The following AOPEP variants were observed in gnomAD, a reference collection of about 807,000 sequenced individuals.
AOPEP encodes aminopeptidase O (putative).
In AOPEP, 77 loss-of-function variants were observed where a neutral mutation model predicts 98.1. That is an observed-to-expected ratio of 0.78 (90% CI 0.65 to 0.95). The LOEUF (loss-of-function observed/expected upper bound fraction) is 0.95, where lower values mean the gene tolerates loss of function less well. AOPEP is among the 40% of genes least tolerant of loss of function. The pLI is 0.00. For synonymous variants in AOPEP, 346 were observed against 365.3 expected, an observed-to-expected ratio of 0.95 and a Z score of 0.60; for missense variants, 1,024 against 1,024.7, an observed-to-expected ratio of 1.00 and a Z score of 0.01.
chr9:94,975,703 A>G (rs1375934569), intron 10 of AOPEP, among the ~76,000 whole-genome samples: 1 of 152,160 alleles, frequency 6.6e-6, no homozygotes, highest in Non-Finnish European at 1.5e-5. Context: ...AACATTCTGC[A>G]AGTTCTGGTG....
At chr9:94,934,151 C>CA (rs1260163329) in intron 7 of AOPEP, among the ~76,000 whole-genome samples, 2 of 152,066 alleles carry the variant, frequency 1.3e-5, no homozygotes, top group Non-Finnish European at 1.5e-5. Flanking sequence ...GCAGAAGCTC[C>CA]AAAACGGAAA....
chr9:95,016,875 A>G (rs972889374), intron 13 of AOPEP, among the ~76,000 whole-genome samples: 8 of 152,042 alleles, frequency 5.3e-5, no homozygotes, highest in Non-Finnish European at 1.2e-4. Flanking sequence ...TGCTAGGATT[A>G]CAGGCATGAG....
chr9:94,971,310 C>T (rs2059522060), intron 10 of AOPEP, among the ~76,000 whole-genome samples: 1 of 152,042 alleles, frequency 6.6e-6, no homozygotes, highest in East Asian at 1.9e-4. Context: ...GCTTAAGCTT[C>T]TTTTTAAAAA....
intron 6 of AOPEP, among the ~76,000 whole-genome samples, chr9:94,926,337 G>A (rs890079220): frequency 5.3e-5 from 8 of 152,168 alleles, no homozygotes; most frequent in Admixed American, 5.2e-4. Context: ...TTGTGGAGGC[G>A]GTGGCTTCTG....
chr9:94,903,951 T>C (rs1172677890), intron 5 of AOPEP: 1 of 151,130 alleles, frequency 6.6e-6, no homozygotes, highest in Non-Finnish European at 1.5e-5. Flanking sequence ...GAGCTATGAT[T>C]GTGCCACTGC....
At chr9:95,048,131 T>G (rs1174683761) in intron 13 of AOPEP, among the ~76,000 whole-genome samples, 5 of 152,180 alleles carry the variant, frequency 3.3e-5, no homozygotes, top group African/African-American at 9.6e-5. Flanking sequence ...TTGGTAAGTT[T>G]TTTTTTTTTT....
intron 14 of AOPEP, among the ~76,000 whole-genome samples, chr9:95,079,486 A>G (rs2069474580): frequency 6.6e-6 from 1 of 152,276 alleles, no homozygotes; most frequent in African/African-American, 2.4e-5. Flanking sequence ...GTGATGGAGT[A>G]TAAAATGGTT....
intron 14 of AOPEP, among the ~76,000 whole-genome samples, chr9:95,070,337 C>G (rs1013496308): frequency 6.6e-6 from 1 of 152,202 alleles, no homozygotes; most frequent in Non-Finnish European, 1.5e-5. Flanking sequence ...CCTGGTCTTT[C>G]TGTTTACAGA....
intron 1 of AOPEP, among the ~76,000 whole-genome samples, chr9:94,751,986 A>G (rs1835905410): frequency 6.8e-6 from 1 of 148,082 alleles, no homozygotes. Flanking sequence ...TTGGCCTCTC[A>G]GGCTCAAGCA....
chr9:95,000,146 A>T (rs550187694), intron 11 of AOPEP, among the ~76,000 whole-genome samples: 1 of 152,326 alleles, frequency 6.6e-6, no homozygotes, highest in South Asian at 2.1e-4. Flanking sequence ...TGACAACAAC[A>T]ACTAGGTGTT....
At chr9:94,946,565 G>A (rs1015534213) in intron 7 of AOPEP, among the ~76,000 whole-genome samples, 23 of 152,194 alleles carry the variant, frequency 1.5e-4, no homozygotes, top group African/African-American at 4.1e-4. Context: ...GCCCTTCTCA[G>A]ATTTGGCTGG....
At chr9:95,058,493 C>T (rs537136497) in intron 13 of AOPEP, among the ~76,000 whole-genome samples, 8 of 152,280 alleles carry the variant, frequency 5.3e-5, no homozygotes, top group South Asian at 2.1e-4. Flanking sequence ...TGCCGAGAAT[C>T]ACTTCTCTGT....
chr9:94,928,674 A>G (rs2137000800), intron 7 of AOPEP, 143 bp downstream of exon 7: 1 of 611,032 alleles, frequency 1.6e-6, no homozygotes, highest in Non-Finnish European at 2.9e-6. Context: ...TGTGATGGTT[A>G]TGTTCTAAGT....
chr9:94,888,994 G>T (rs1365918456), intron 5 of AOPEP, among the ~76,000 whole-genome samples: 1 of 152,012 alleles, frequency 6.6e-6, no homozygotes, highest in Non-Finnish European at 1.5e-5. Context: ...TAGAGCTCTA[G>T]CGGCGGCTTC....
At chr9:94,864,858 T>A (rs1038103727) in intron 5 of AOPEP, among the ~76,000 whole-genome samples, 2 of 152,226 alleles carry the variant, frequency 1.3e-5, no homozygotes, top group Non-Finnish European at 2.9e-5. Flanking sequence ...GAGATTTTTT[T>A]AAAATGTGAG....
the AOPEP span, chr9:95,125,270 A>G: frequency 1.4e-5 from 15 of 1,095,556 alleles, no homozygotes; most frequent in Non-Finnish European, 2.0e-5. Flanking sequence ...GGAAAAGTAG[A>G]AACACTTTTT....
chr9:94,891,475 G>GT (rs1266215160), intron 5 of AOPEP, among the ~76,000 whole-genome samples: 4 of 151,866 alleles, frequency 2.6e-5, no homozygotes, highest in African/African-American at 9.7e-5. Context: ...TTATTCTTCT[G>GT]TTTCTTTTAT....
At chr9:95,048,448 AGGCGGGGCCTGGGGCGCAGG>A (rs2066034323) in intron 13 of AOPEP, among the ~76,000 whole-genome samples, 1 of 111,606 alleles carries the variant, frequency 9.0e-6, no homozygotes, top group Non-Finnish European at 1.9e-5. Context: ...GGGCGGGGTG[AGGCGGGGCCTGGGGCGCAGG>A]GGCGGGGCGA....
the AOPEP span, among the ~76,000 whole-genome samples, chr9:95,138,994 T>C: frequency 6.6e-6 from 1 of 152,238 alleles, no homozygotes; most frequent in African/African-American, 2.4e-5. Flanking sequence ...TAGATTTTGC[T>C]CTAAAACCTC....
Sources: gnomAD v4.1 joint callset for allele counts (sites outside exome capture counted in the v4.1 genomes callset) on GRCh38, gnomAD v4.1.1 for gene constraint, MANE v1.5 for transcripts, NCBI Gene and HGNC (gene_info 2026-07-23, HGNC 2026-07-21) for gene names.